SEMA3G: variants seen among roughly 807,000 people sequenced by gnomAD.
SEMA3G encodes the protein semaphorin-3G.
A neutral mutation model predicts 86.2 loss-of-function variants in SEMA3G; 70 were observed. The observed-to-expected ratio is 0.81, with a 90% CI of 0.67 to 0.99. The LOEUF is 0.99. SEMA3G is among the 50% of genes least tolerant of loss of function. The pLI is 0.00. For synonymous variants in SEMA3G, 416 were observed against 441.4 expected, an observed-to-expected ratio of 0.94 and a Z score of 0.72; for missense variants, 1,002 against 1,072.4, an observed-to-expected ratio of 0.93 and a Z score of 0.92.
rs781626144 is a variant in SEMA3G at position 52,438,134 on chromosome 3, G to C, written c.1575C>G (p.Tyr525Ter). ...AQLRLHQCET[Y>*]GTACAECCLA... ...GGCAGCACTCTGCACAGGCAGTGCCGTAAGTCTCACATTGGTGCAGCCGCA... is the reference window on the plus strand; with the variant it reads ...GGCAGCACTCTGCACAGGCAGTGCCCTAAGTCTCACATTGGTGCAGCCGCA... Residue 525 changes from tyrosine to a stop codon, truncating the protein, a stop_gained, in exon 14 of 16, where the codon TAC becomes TAG. Transcript: ENST00000231721. LOFTEE classifies it high-confidence loss of function. The C allele has an allele frequency of 1.9e-6, 3 of 1,613,230 alleles. No individual in the cohort carries two copies. Among genetic ancestry groups the C allele is most frequent in the Non-Finnish European group, 2.5e-6 (3 of 1,179,994 alleles).
rs762725432 is a variant in SEMA3G, at chr3:52,441,372, G to T, written c.705C>A (p.Asn235Lys). 6.2e-7 allele frequency: 1 copy of T among 1,613,952 alleles called. No homozygotes were observed. The highest frequency in any genetic ancestry group is 8.5e-7 in the Non-Finnish European group (1 of 1,180,012). ...ACACCTTGTCATTGTCCTGGTCAGA[G>T]TTCTCAGGGATCCGGGCGGCCATCA... ...RFVMAARIPE[N>K]SDQDNDKVYF... The change falls in exon 7 of 16, where the codon AAC becomes AAA. Residue 235 changes from asparagine to lysine, a missense_variant. Physicochemically the swap from Asn to Lys is moderately conservative, Grantham distance 94. Coordinates refer to ENST00000231721, the MANE Select transcript of SEMA3G (RefSeq NM_020163.3).
In SEMA3G at chr3:52,442,684, T is replaced by C. The variant is rs1706181979; in HGVS notation, c.276+63A>G. On this transcript the variant is annotated intron_variant, in intron 2 of 15. Coordinates refer to ENST00000231721, the MANE Select transcript of SEMA3G (RefSeq NM_020163.3). This position sits in a 1 kb window ranked among gnomAD's most constrained non-coding sequence, Gnocchi z 6.1. ...ATCTCACAGGCTCAGTTTCCCCATC[T>C]GGCCTCCCATCTGGAGGTGCCCAGT... The C allele has an allele frequency of 1.9e-6, 3 of 1,613,828 alleles. No individual in the cohort carries two copies. The highest frequency in any genetic ancestry group is 1.7e-5 in the Admixed American group (1 of 60,022).
chr3:52,436,946 C>A (rs991047611), intron 15 of SEMA3G, among the ~76,000 whole-genome samples: 1 of 152,170 alleles, frequency 6.6e-6, no homozygotes, highest in African/African-American at 2.4e-5. Context: ...GGCCAATGCC[C>A]ATCCTCAGGC....
At chr3:52,440,203 G>A in intron 10 of SEMA3G, 105 bp from the exon 11 acceptor site, 1 of 1,220,820 alleles carries the variant, frequency 8.2e-7, no homozygotes, top group Non-Finnish European at 1.1e-6. Flanking sequence ...CTCACTGCAG[G>A]AGGGCTCTCC....
Position 52,441,628 on chromosome 3 carries a change from T to G in SEMA3G, c.613A>C (p.Ser205Arg). Reference sequence around the variant, plus strand: ...CGCAGAGCTGGCCGAGGACCTCCACTTCGGAAGATCATGGCCTCTCGCCCC... The same window carrying G: ...CGCAGAGCTGGCCGAGGACCTCCACGTCGGAAGATCATGGCCTCTCGCCCC... ...FLGREAMIFR[S>R]GGPRPALRSD... The change falls in exon 6 of 16, where the codon AGT becomes CGT. Residue 205 changes from serine (S) to arginine (R), a missense_variant. By Grantham distance (110) the Ser-to-Arg change is moderately radical. Transcript: ENST00000231721. 1 of 1,613,736 alleles carries G rather than the reference T, an allele frequency of 6.2e-7. No homozygotes were observed.
Position 52,442,600 on chromosome 3 carries a change from C to T in SEMA3G, c.298G>A (p.Gly100Arg). The change falls in exon 3 of 16, where the codon GGA becomes AGA. Residue 100 changes from glycine (G) to arginine (R), a missense_variant. By Grantham distance (125) the Gly-to-Arg change is moderately radical (BLOSUM62 -2). Transcript: ENST00000231721. The surrounding 1 kb of genome is among the most constrained non-coding windows in gnomAD (Gnocchi z 6.1). ...PREVLWPPQPGQREECVRKGR... is the reference protein window; with the variant it reads ...PREVLWPPQPRQREECVRKGR... ...TTTCGAACACACTCCTCCCTCTGTC[C>T]TGGCTGCGGTGGCCACAGGACCTGG... 1 of 1,614,152 alleles carries T rather than the reference C, an allele frequency of 6.2e-7. No individual in the cohort carries two copies. The highest frequency in any genetic ancestry group is 1.7e-5 in the Admixed American group (1 of 60,016).
At position 52,434,129 on chromosome 3, in the gene SEMA3G, G is replaced by T. The variant is rs933884811; in HGVS notation, c.*1474C>A. 2 of 151,810 alleles carry T rather than the reference G, an allele frequency of 1.3e-5. No homozygotes were observed. The highest frequency in any genetic ancestry group is 4.8e-5 in the African/African-American group (2 of 41,292). 9.4% of individuals were successfully genotyped at this position (151,810 alleles called of 1,614,324 possible). A position where few individuals can be genotyped will look rare whatever the true frequency, so the allele number is the denominator to read the frequency against. On this transcript the variant is annotated 3_prime_UTR_variant, in exon 16 of 16. Transcript: ENST00000231721. This position sits in a 1 kb window ranked among gnomAD's most constrained non-coding sequence, Gnocchi z 5.2. ...TTTTTTCCCCTCCTTTCTTTGTCTT[G>T]GTTGTTTTAATGGAGGGAATCTCAA...
rs529876496 is a variant in SEMA3G, at chr3:52,444,915, C to T, written c.113G>A (p.Arg38Gln). 2.0e-4 allele frequency: 263 copies of T among 1,302,506 alleles called. 1 individual carries two copies. The highest frequency in any genetic ancestry group is 2.9e-4 in the Middle Eastern group (1 of 3,476). 80.7% of individuals were successfully genotyped at this position (1,302,506 alleles called of 1,614,324 possible). The change falls in exon 1 of 16, where the codon CGA becomes CAA. Residue 38 changes from arginine (R) to glutamine (Q), a missense_variant and splice_region_variant. Physicochemically the swap from Arg to Gln is conservative, Grantham distance 43 (BLOSUM62 1). Coordinates refer to ENST00000231721, the MANE Select transcript of SEMA3G (RefSeq NM_020163.3). ...PSVPRLRLSYRDLLSANRSAI... is the reference protein window; with the variant it reads ...PSVPRLRLSYQDLLSANRSAI... Reference sequence around the variant, plus strand: ...ACAGGGCACGCAGGGGCTGGTACCTCGGTAGGAGAGCCGCAGGCGGGGCAC... The same window carrying T: ...ACAGGGCACGCAGGGGCTGGTACCTTGGTAGGAGAGCCGCAGGCGGGGCAC...
At chr3:52,444,681 G>A (rs1219196829) in intron 1 of SEMA3G, among the ~76,000 whole-genome samples, 1 of 104,766 alleles carries the variant, frequency 9.5e-6, no homozygotes, top group Admixed American at 1.1e-4. Flanking sequence ...CACGGCACAC[G>A]CAAACTCGGC....
At chr3:52,439,582 AG>A in intron 12 of SEMA3G, 97 bp downstream of exon 12, 1 of 951,564 alleles carries the variant, frequency 1.1e-6, no homozygotes, top group Non-Finnish European at 1.7e-6. Flanking sequence ...CAGTAAAGAC[AG>A]GCTGGCTCCC....
At position 52,438,139 on chromosome 3, in the gene SEMA3G, T is replaced by C. The variant is rs746182252; in HGVS notation, c.1570A>G (p.Thr524Ala). 1.2e-5 allele frequency: 20 copies of C among 1,613,120 alleles called. No individual in the cohort carries two copies. The highest frequency in any genetic ancestry group is 1.4e-5 in the Non-Finnish European group (17 of 1,180,016). Residue 524 changes from threonine (T) to alanine (A), a missense_variant, in exon 14 of 16, where the codon ACT (threonine) becomes GCT (alanine). Transcript: ENST00000231721. ...CACTCTGCACAGGCAGTGCCGTAAG[T>C]CTCACATTGGTGCAGCCGCAGCTGG... is the stretch of plus-strand genomic sequence containing the variant. Reference protein sequence around the residue: ...VAQLRLHQCETYGTACAECCL... With the variant: ...VAQLRLHQCEAYGTACAECCL...
chr3:52,438,886 G>A (rs371165828), intron 13 of SEMA3G, 34 bp downstream of exon 13: 11 of 1,611,732 alleles, frequency 6.8e-6, no homozygotes, highest in African/African-American at 2.7e-5. Context: ...GGGGCAGAAG[G>A]GGGGTCCAAG....
In SEMA3G at chr3:52,442,371, G is replaced by T; in HGVS notation, c.340-67C>A. ...TGCCCACCATCTCCTTGGGGCCCAA[G>T]GCTCAGCCCTGTCTGGCGGTCAGCT... On this transcript the variant is annotated intron_variant, in intron 3 of 15. Coordinates refer to ENST00000231721, the MANE Select transcript of SEMA3G (RefSeq NM_020163.3). The surrounding 1 kb of genome is among the most constrained non-coding windows in gnomAD (Gnocchi z 6.1). 2 of 1,280,946 alleles carry T rather than the reference G, an allele frequency of 1.6e-6. No individual in the cohort carries two copies. The highest frequency in any genetic ancestry group is 2.1e-6 in the Non-Finnish European group (2 of 946,042). 79.3% of individuals were successfully genotyped at this position (1,280,946 alleles called of 1,614,324 possible).
At chr3:52,438,294 C>G in intron 13 of SEMA3G, 95 bp from the exon 14 acceptor site, 4 of 1,422,780 alleles carry the variant, frequency 2.8e-6, no homozygotes, top group Non-Finnish European at 3.9e-6. Flanking sequence ...ACCCCTGCCA[C>G]TTGCAGGAAG....
In SEMA3G at chr3:52,442,402, G is replaced by T; in HGVS notation, c.340-98C>A. 1 of 528,970 alleles carries T rather than the reference G, an allele frequency of 1.9e-6. No individual in the cohort carries two copies. Among genetic ancestry groups the T allele is most frequent in the Non-Finnish European group, 3.6e-6 (1 of 278,266 alleles). The allele number at this position is 528,970 out of a possible 1,614,324, so 32.8% of individuals were successfully genotyped here. A position where few individuals can be genotyped will look rare whatever the true frequency, so the allele number is the denominator to read the frequency against. On this transcript the variant is annotated intron_variant, in intron 3 of 15. Coordinates refer to ENST00000231721, the MANE Select transcript of SEMA3G (RefSeq NM_020163.3). This position sits in a 1 kb window ranked among gnomAD's most constrained non-coding sequence, Gnocchi z 6.1. ...GCCCTGTCTGGCGGTCAGCTCTGGG[G>T]AGGGGGGTGGGTGTGACATTCCCAG...
rs1040831455 is a variant in SEMA3G, at chr3:52,441,360, G to T, written c.717C>A (p.Asp239Glu). ...AARIPENSDQ[D>E]NDKVYFFFSE... is the part of the protein sequence containing the mutation. ...AGAAGAAGAAGTACACCTTGTCATT[G>T]TCCTGGTCAGAGTTCTCAGGGATCC... Residue 239 changes from aspartate (D) to glutamate (E), a missense_variant, in exon 7 of 16, where the codon GAC (aspartate) becomes GAA (glutamate). Coordinates refer to ENST00000231721, the MANE Select transcript of SEMA3G (RefSeq NM_020163.3). The T allele has an allele frequency of 3.1e-6, 5 of 1,613,924 alleles. No homozygotes were observed. Among genetic ancestry groups the T allele is most frequent in the Non-Finnish European group, 3.4e-6 (4 of 1,179,998 alleles).
intron 14 of SEMA3G, 30 bp downstream of exon 14, chr3:52,437,941 G>A (rs1202928623): frequency 6.3e-7 from 1 of 1,591,388 alleles, no homozygotes; most frequent in South Asian, 1.1e-5. Context: ...TTCCAGCCCA[G>A]TCTGGGCCCT....
At position 52,440,482 on chromosome 3, in the gene SEMA3G, C is replaced by T; in HGVS notation, c.1038G>A (p.Met346Ile). The change falls in exon 10 of 16, where the codon ATG becomes ATA. Residue 346 changes from methionine (M) to isoleucine (I), a missense_variant. Coordinates refer to ENST00000231721, the MANE Select transcript of SEMA3G (RefSeq NM_020163.3). Reference protein sequence around the residue: ...FQGFAVCVYHMADIWEVFNGP... With the variant: ...FQGFAVCVYHIADIWEVFNGP... ...CGTTGAAAACCTCCCAGATGTCTGC[C>T]ATGTGGTACACACAGACGGCGAAGC... The T allele has an allele frequency of 6.2e-7, 1 of 1,612,022 alleles. No individual in the cohort carries two copies. The highest frequency in any genetic ancestry group is 8.5e-7 in the Non-Finnish European group (1 of 1,179,576).
At chr3:52,438,333 A>T in intron 13 of SEMA3G, 134 bp from the exon 14 acceptor site, 1 of 1,426,350 alleles carries the variant, frequency 7.0e-7, no homozygotes, top group African/African-American at 1.4e-5. Context: ...ATTCATTCAA[A>T]AAACAAAAAG....
Sources: allele counts gnomAD v4.1 joint callset (sites outside exome capture counted in the v4.1 genomes callset), GRCh38; gene constraint gnomAD v4.1.1; non-coding constraint Gnocchi (gnomAD v3.1); transcripts MANE v1.5; gene names NCBI Gene and HGNC (gene_info 2026-07-23, HGNC 2026-07-21).